Variants in NTM observed in about 807,000 individuals in gnomAD.
NTM encodes neurotrimin.
Under a neutral mutation model 42.1 loss-of-function variants are expected in NTM, and 13 were observed. The observed-to-expected ratio is 0.31, with a 90% CI of 0.20 to 0.49. The LOEUF is 0.49. NTM is among the 20% of genes least tolerant of loss of function. The pLI, the probability that NTM is intolerant of heterozygous loss-of-function variation, is 0.99. For missense variants in NTM, 373 were observed against 452.8 expected, an observed-to-expected ratio of 0.82 and a Z score of 1.60; for synonymous variants, 187 against 179.2, an observed-to-expected ratio of 1.04 and a Z score of -0.35.
chr11:132,122,760 T>C (rs2065049662), intron 2 of NTM, among the ~76,000 whole-genome samples: 1 of 152,186 alleles, frequency 6.6e-6, no homozygotes, highest in Admixed American at 6.5e-5. Flanking sequence ...CTCCCAAATC[T>C]CCTGAGCTCC....
At chr11:131,516,452 C>A (rs2048904970) in intron 1 of NTM, among the ~76,000 whole-genome samples, 2 of 152,152 alleles carry the variant, frequency 1.3e-5, no homozygotes, top group African/African-American at 4.8e-5. Flanking sequence ...GATCTCGGCT[C>A]ACGCAATCTC....
chr11:131,726,268 A>G (rs1165030089), intron 1 of NTM, among the ~76,000 whole-genome samples: 1 of 152,134 alleles, frequency 6.6e-6, no homozygotes, highest in East Asian at 1.9e-4. Context: ...GGCAAGTTCT[A>G]GCCTCCCTAT....
At chr11:131,878,018 C>T (rs2048790340) in intron 1 of NTM, 1 of 152,132 alleles carries the variant, frequency 6.6e-6, no homozygotes, top group Admixed American at 6.5e-5. Flanking sequence ...TTCCTTTGGT[C>T]CTTGAAAGCA....
At chr11:131,890,154 CTG>C (rs1315974327) in intron 1 of NTM, among the ~76,000 whole-genome samples, 11 of 75,198 alleles carry the variant, frequency 1.5e-4, no homozygotes, top group Non-Finnish European at 8.0e-5. Flanking sequence ...CTCTCTCTCT[CTG>C]TCTCTCTCTC....
chr11:132,147,499 C>T (rs888948821), intron 3 of NTM, among the ~76,000 whole-genome samples: 6 of 152,128 alleles, frequency 3.9e-5, no homozygotes, highest in East Asian at 3.9e-4. Context: ...ATAGAAAACA[C>T]GTAGAAGAGG....
intron 2 of NTM, among the ~76,000 whole-genome samples, chr11:132,121,493 A>G (rs1169005734): frequency 1.3e-5 from 2 of 152,182 alleles, no homozygotes; most frequent in Non-Finnish European, 1.5e-5. Flanking sequence ...TTATTTAAGT[A>G]AAAAGACTAT....
chr11:132,086,199 C>T (rs995888182), intron 2 of NTM, among the ~76,000 whole-genome samples: 2 of 151,776 alleles, frequency 1.3e-5, no homozygotes, highest in African/African-American at 4.8e-5. Context: ...TGGTGGGCGC[C>T]TGTAGTCCCA....
chr11:132,067,584 G>A (rs572107781), intron 2 of NTM, among the ~76,000 whole-genome samples: 3 of 152,172 alleles, frequency 2.0e-5, no homozygotes, highest in African/African-American at 7.2e-5. Flanking sequence ...ACAGTTGTAG[G>A]CACTCCTATT....
chr11:132,097,740 G>T (rs2136499313), intron 2 of NTM, among the ~76,000 whole-genome samples: 1 of 152,334 alleles, frequency 6.6e-6, no homozygotes, highest in Middle Eastern at 3.4e-3. Flanking sequence ...AACTTCTGAT[G>T]AAAGGGCTTC....
chr11:131,513,756 C>A (rs538970999), intron 1 of NTM, among the ~76,000 whole-genome samples: 1 of 152,142 alleles, frequency 6.6e-6, no homozygotes, highest in African/African-American at 2.4e-5. Flanking sequence ...TCCTTGGGAG[C>A]TGAAAATATT....
chr11:132,301,022 G>A (rs570766657), intron 4 of NTM, among the ~76,000 whole-genome samples: 12 of 152,208 alleles, frequency 7.9e-5, no homozygotes, highest in African/African-American at 2.4e-4. Context: ...ACTCACAGTG[G>A]CACCATACAC....
chr11:132,219,638 A>AC (rs1423489719), intron 4 of NTM, among the ~76,000 whole-genome samples: 1 of 151,200 alleles, frequency 6.6e-6, no homozygotes, highest in African/African-American at 2.4e-5. Flanking sequence ...CTCCCCCCCC[A>AC]CTGTCTTCCT....
intron 1 of NTM, among the ~76,000 whole-genome samples, chr11:131,793,160 A>C (rs1227803777): frequency 1.3e-5 from 2 of 152,254 alleles, no homozygotes; most frequent in Non-Finnish European, 2.9e-5. Flanking sequence ...ATGAATGTGG[A>C]CCAAGAGGTT....
chr11:132,321,178 A>C (rs987642911), intron 7 of NTM, among the ~76,000 whole-genome samples: 2 of 152,258 alleles, frequency 1.3e-5, no homozygotes, highest in African/African-American at 2.4e-5. Flanking sequence ...TGGACAGAGA[A>C]TGACTTTGAC....
intron 1 of NTM, among the ~76,000 whole-genome samples, chr11:131,468,838 A>T (rs2136163362): frequency 6.6e-6 from 1 of 152,348 alleles, no homozygotes; most frequent in South Asian, 2.1e-4. Flanking sequence ...TTGGCCAGCA[A>T]AATTGGCTGT....
intron 4 of NTM, among the ~76,000 whole-genome samples, chr11:132,215,294 A>G (rs1276574680): frequency 6.6e-6 from 1 of 152,202 alleles, no homozygotes; most frequent in East Asian, 1.9e-4. Context: ...TCTTTCAGCA[A>G]CCCTGATGAC....
At chr11:131,852,880 GTCCA>G (rs375559384) in intron 1 of NTM, among the ~76,000 whole-genome samples, 2 of 126,460 alleles carry the variant, frequency 1.6e-5, no homozygotes, top group Admixed American at 7.8e-5. Flanking sequence ...CCACCCATCC[GTCCA>G]TCCATCCATC....
chr11:131,424,590 C>CTTTTTT (rs1565486929), intron 1 of NTM, among the ~76,000 whole-genome samples: 2 of 51,638 alleles, frequency 3.9e-5, no homozygotes, highest in East Asian at 1.2e-3. Context: ...TTTTTTATTT[C>CTTTTTT]TTTTCTTTTC....
At chr11:132,059,359 A>G (rs1215792510) in intron 2 of NTM, among the ~76,000 whole-genome samples, 1 of 152,202 alleles carries the variant, frequency 6.6e-6, no homozygotes, top group Non-Finnish European at 1.5e-5. Context: ...GGAAGATGAA[A>G]TGTAGAGACG....
Sources: gnomAD v4.1 joint callset for allele counts (sites outside exome capture counted in the v4.1 genomes callset) on GRCh38, gnomAD v4.1.1 for gene constraint, MANE v1.5 for transcripts, NCBI Gene and HGNC (gene_info 2026-07-23, HGNC 2026-07-21) for gene names.